The following TTC6 variants were observed in gnomAD, a reference collection of about 807,000 sequenced individuals.
The protein encoded by TTC6 is tetratricopeptide repeat protein 6.
TTC6 carries 172 observed loss-of-function variants against 210.4 expected under a neutral mutation model. The observed-to-expected ratio is 0.82, with a 90% CI of 0.72 to 0.93. The LOEUF (loss-of-function observed/expected upper bound fraction) is 0.93. Ranked by LOEUF, TTC6 falls within the 40% of genes least tolerant of loss-of-function variation. The probability of loss-of-function intolerance (pLI) is 0.00; values close to 1 mark genes in which losing one functional copy is unlikely to be tolerated. For synonymous variants in TTC6, 804 were observed against 819.6 expected (o/e 0.98, Z 0.32); for missense variants, 2,414 against 2,318.1 (o/e 1.04, Z -0.85).
At chr14:37,685,553 G>C (rs920446668) in intron 3 of TTC6, among the ~76,000 whole-genome samples, 2 of 152,190 alleles carry the variant, frequency 1.3e-5, no homozygotes, top group Non-Finnish European at 2.9e-5. Context: ...TTGGAAAAAG[G>C]TTGAGGTTTT....
chr14:37,707,874 T>C (rs936893413), intron 5 of TTC6, among the ~76,000 whole-genome samples: 1 of 152,100 alleles, frequency 6.6e-6, no homozygotes, highest in Non-Finnish European at 1.5e-5. Context: ...AATAGTACTT[T>C]TAGATCTTAA....
intron 6 of TTC6, among the ~76,000 whole-genome samples, chr14:37,715,439 A>G (rs768836109): frequency 6.6e-6 from 1 of 152,178 alleles, no homozygotes; most frequent in Non-Finnish European, 1.5e-5. Context: ...ACCAAACCAC[A>G]TAATATTCAA....
chr14:37,749,478 T>C, intron 11 of TTC6, 77 bp downstream of exon 13: 1 of 1,344,370 alleles, frequency 7.4e-7, no homozygotes, highest in Non-Finnish European at 9.6e-7. Flanking sequence ...TTTGCTGAAA[T>C]TTTGAACAAT....
At chr14:37,783,059 T>C (rs1330050748) in intron 14 of TTC6, among the ~76,000 whole-genome samples, 1 of 152,186 alleles carries the variant, frequency 6.6e-6, no homozygotes, top group Non-Finnish European at 1.5e-5. Flanking sequence ...TTTGCATCGA[T>C]GTTCATCAGG....
chr14:37,749,642 T>A, intron 11 of TTC6, 72 bp from the exon 14 acceptor site: 1 of 1,172,658 alleles, frequency 8.5e-7, no homozygotes, highest in Non-Finnish European at 1.1e-6. Context: ...AACCGTGTTT[T>A]AAAAATTTAT....
intron 14 of TTC6, among the ~76,000 whole-genome samples, chr14:37,763,686 A>G (rs2095990886): frequency 6.6e-6 from 1 of 151,920 alleles, no homozygotes. Context: ...TCGTAATTTG[A>G]GTCATCTTTT....
chr14:37,722,737 G>A (rs1278936242), intron 6 of TTC6, among the ~76,000 whole-genome samples: 1 of 152,220 alleles, frequency 6.6e-6, no homozygotes, highest in South Asian at 2.1e-4. Flanking sequence ...ATATACTATC[G>A]ACATGATTTA....
At chr14:37,725,344 A>G (rs1271525189) in intron 7 of TTC6, among the ~76,000 whole-genome samples, 3 of 116,582 alleles carry the variant, frequency 2.6e-5, no homozygotes, top group Non-Finnish European at 5.4e-5. Flanking sequence ...ATATATATAT[A>G]TATATATATA....
At chr14:37,737,110 C>G (rs2095903777) in intron 8 of TTC6, among the ~76,000 whole-genome samples, 1 of 152,122 alleles carries the variant, frequency 6.6e-6, no homozygotes, top group East Asian at 1.9e-4. Flanking sequence ...GGACATGGAA[C>G]ATAGCATTTT....
intron 14 of TTC6, among the ~76,000 whole-genome samples, chr14:37,764,674 GT>G (rs1595219904): frequency 6.6e-6 from 1 of 151,868 alleles, no homozygotes; most frequent in African/African-American, 2.4e-5. Flanking sequence ...TCTGAATTGA[GT>G]TTTTTTCCTA....
At chr14:37,761,693 G>A (rs376699378) in intron 14 of TTC6, among the ~76,000 whole-genome samples, 2 of 151,908 alleles carry the variant, frequency 1.3e-5, no homozygotes, top group East Asian at 1.9e-4. Flanking sequence ...GTATGTGTTC[G>A]TAAACATTCT....
At chr14:37,732,853 A>T (rs1464306137) in intron 7 of TTC6, among the ~76,000 whole-genome samples, 1 of 143,108 alleles carries the variant, frequency 7.0e-6, no homozygotes, top group Non-Finnish European at 1.6e-5. Flanking sequence ...TGATCCGCCC[A>T]CCTCGGCCTC....
chr14:37,751,777 G>A (rs995866240), intron 13 of TTC6, among the ~76,000 whole-genome samples: 6 of 151,564 alleles, frequency 4.0e-5, no homozygotes, highest in Non-Finnish European at 5.9e-5. Context: ...AGGATGGTGG[G>A]AGAGTAACTT....
intron 24 of TTC6, 68 bp downstream of exon 26, chr14:37,808,914 G>A (rs2096124014): frequency 1.3e-6 from 1 of 773,140 alleles, no homozygotes; most frequent in Admixed American, 2.7e-5. Context: ...TTAATAGCTT[G>A]TGGATTTCAA....
exon 1 of TTC6, chr14:37,622,137 G>C (rs1289732468): frequency 6.5e-7 from 1 of 1,535,532 alleles, no homozygotes; most frequent in South Asian, 1.2e-5. Flanking sequence ...GCTTGAGAAA[G>C]TTCGGCAGGA....
At chr14:37,672,820 C>CTTTTTTTTTTTTTTTT (rs2095760882) in intron 1 of TTC6, among the ~76,000 whole-genome samples, 1 of 118,912 alleles carries the variant, frequency 8.4e-6, no homozygotes, top group African/African-American at 3.5e-5. Context: ...ATGAATTCCT[C>CTTTTTTTTTTTTTTTT]ATTTTTTTTT....
chr14:37,770,965 T>C (rs144927848), intron 14 of TTC6, among the ~76,000 whole-genome samples: 95,287 of 111,678 alleles, frequency 0.85, 41,254 homozygotes, highest in Non-Finnish European at 0.94. Flanking sequence ...CCATGTTTAG[T>C]GCTTCCTTCA....
At chr14:37,606,780 C>T in intron 2 of TTC6, 38 bp downstream of exon 2, 1 of 985,166 alleles carries the variant, frequency 1.0e-6, no homozygotes, top group Non-Finnish European at 1.2e-6. Flanking sequence ...CATCCTCATC[C>T]TGTAAGTCAT....
intron 14 of TTC6, among the ~76,000 whole-genome samples, chr14:37,781,974 T>C (rs912047886): frequency 2.6e-5 from 4 of 152,178 alleles, no homozygotes; most frequent in African/African-American, 4.8e-5. Flanking sequence ...CTGTTCTGTT[T>C]CATTGGTCTA....
Sources: gnomAD v4.1 joint callset for allele counts (sites outside exome capture counted in the v4.1 genomes callset) on GRCh38, gnomAD v4.1.1 for gene constraint, MANE v1.5 for transcripts, NCBI Gene and HGNC (gene_info 2026-07-23, HGNC 2026-07-21) for gene names.